CTNNA2: variants seen among roughly 807,000 people sequenced by gnomAD.
CTNNA2 encodes the protein catenin alpha-2.
Under a neutral mutation model 101.0 loss-of-function variants are expected in CTNNA2, and 42 were observed. The observed-to-expected ratio is 0.42, with a 90% CI of 0.32 to 0.54. The LOEUF (loss-of-function observed/expected upper bound fraction) is 0.54. Among genes scored for constraint, CTNNA2 ranks in the 20% least tolerant of loss-of-function variants. The pLI, the probability that CTNNA2 is intolerant of heterozygous loss-of-function variation, is 0.14. For synonymous variants in CTNNA2, 450 were observed against 456.4 expected, an observed-to-expected ratio of 0.99 and a Z score of 0.18; for missense variants, 871 against 1,223.1, an observed-to-expected ratio of 0.71 and a Z score of 4.29.
chr2:79,477,225 C>T (rs1242897975), intron 4 of CTNNA2, among the ~76,000 whole-genome samples: 58 of 143,520 alleles, frequency 4.0e-4, no homozygotes, highest in Non-Finnish European at 7.2e-4. Context: ...GGCTGGAGTA[C>T]AGTGGCGCAA....
chr2:80,001,371 T>C (rs1692935942), intron 7 of CTNNA2, among the ~76,000 whole-genome samples: 1 of 152,180 alleles, frequency 6.6e-6, no homozygotes, highest in Admixed American at 6.5e-5. Flanking sequence ...TTATTTTCTT[T>C]TGAAGTTAGC....
chr2:80,295,589 A>G (rs188389383), intron 7 of CTNNA2, among the ~76,000 whole-genome samples: 2 of 152,292 alleles, frequency 1.3e-5, no homozygotes, highest in Admixed American at 6.5e-5. Flanking sequence ...TTCAAGTTTT[A>G]TTGTGGGGAA....
At chr2:79,505,942 G>C (rs2103812119) in intron 5 of CTNNA2, among the ~76,000 whole-genome samples, 1 of 152,296 alleles carries the variant, frequency 6.6e-6, no homozygotes, top group Non-Finnish European at 1.5e-5. Flanking sequence ...GTCTTGAATG[G>C]AGGAATGAAT....
chr2:80,498,680 C>T (rs1300895570), intron 9 of CTNNA2, among the ~76,000 whole-genome samples: 1 of 152,228 alleles, frequency 6.6e-6, no homozygotes, highest in Non-Finnish European at 1.5e-5. Flanking sequence ...CCTGGCATTC[C>T]TGCCAGCATT....
chr2:79,468,485 A>C (rs1347012325), intron 4 of CTNNA2, among the ~76,000 whole-genome samples: 1 of 152,322 alleles, frequency 6.6e-6, no homozygotes, highest in East Asian at 1.9e-4. Flanking sequence ...CAGAAAGTCA[A>C]CAAGGATACC....
chr2:79,672,395 A>G (rs1356234297), intron 2 of CTNNA2, among the ~76,000 whole-genome samples: 1 of 152,214 alleles, frequency 6.6e-6, no homozygotes, highest in East Asian at 1.9e-4. Flanking sequence ...AATAGAATAG[A>G]ACATGAATAG....
In CTNNA2 at chr2:79,992,939, A is replaced by T. The variant is rs189565357; in HGVS notation, c.1056+83142A>T. 1.8e-4 allele frequency among the ~76,000 whole-genome samples: 28 copies of T among 152,328 alleles called. No individual in the cohort carries two copies. In the East Asian group the frequency reaches 3.1e-3, roughly 17 times the overall value. ...CTGTGAGGATCTGGTGACATGTAGAAGTGTCCTGGCTAAATTGTAAAATTG... is the reference window on the plus strand; with the variant it reads ...CTGTGAGGATCTGGTGACATGTAGATGTGTCCTGGCTAAATTGTAAAATTG... On this transcript the variant is annotated intron_variant, in intron 7 of 18. Coordinates refer to ENST00000402739, the MANE Select transcript of CTNNA2 (RefSeq NM_001282597.3).
intron 16 of CTNNA2, among the ~76,000 whole-genome samples, chr2:80,607,103 T>G (rs1445447666): frequency 2.0e-5 from 3 of 151,858 alleles, no homozygotes; most frequent in African/African-American, 7.2e-5. Context: ...ATCACTGGCT[T>G]TACAGTATTG....
chr2:80,617,526 G>A (rs3821071), intron 17 of CTNNA2, among the ~76,000 whole-genome samples: 3 of 151,706 alleles, frequency 2.0e-5, no homozygotes, highest in South Asian at 4.1e-4. Context: ...TACAGAAAAA[G>A]TCAAATATAG....
intron 7 of CTNNA2, among the ~76,000 whole-genome samples, chr2:80,228,861 CTCT>C (rs772285645): frequency 1.3e-5 from 2 of 152,188 alleles, no homozygotes; most frequent in Admixed American, 6.6e-5. Flanking sequence ...TATTACTTCA[CTCT>C]TCTTCTTATG....
rs1306412646 is a variant in CTNNA2, at chr2:79,832,659, C to T, written c.299-25354C>T. Among the ~76,000 whole-genome samples, 5 of 152,182 alleles carry T rather than the reference C, an allele frequency of 3.3e-5. No homozygotes were observed. The South Asian group carries it at 6.2e-4, about 19-fold the overall frequency. ...GAGAGACTGAGTGTCAGCCCTTTGTCTTCATGTGCATCCAAACAAAAGCAG... is the reference window on the plus strand; with the variant it reads ...GAGAGACTGAGTGTCAGCCCTTTGTTTTCATGTGCATCCAAACAAAAGCAG... On this transcript the variant is annotated intron_variant, in intron 3 of 18. Transcript: ENST00000402739.
chr2:79,342,477 C>G (rs965303754), intron 3 of CTNNA2, among the ~76,000 whole-genome samples: 3 of 152,184 alleles, frequency 2.0e-5, no homozygotes, highest in African/African-American at 7.2e-5. Flanking sequence ...TATGTAATAT[C>G]TCTTCCACCT....
At chr2:79,653,906 A>G (rs529372039) in intron 2 of CTNNA2, among the ~76,000 whole-genome samples, 2 of 152,258 alleles carry the variant, frequency 1.3e-5, no homozygotes, top group Admixed American at 6.5e-5. Flanking sequence ...TTCTGCCACT[A>G]TGAAACAAAG....
chr2:79,584,124 G>A (rs995880434), intron 1 of CTNNA2, among the ~76,000 whole-genome samples: 6 of 152,006 alleles, frequency 3.9e-5, no homozygotes, highest in Admixed American at 6.6e-5. Context: ...TCTAGTTACC[G>A]TTTCCTAAAT....
At chr2:79,917,081 T>TA (rs141767009) in intron 7 of CTNNA2, among the ~76,000 whole-genome samples, 67,210 of 129,176 alleles carry the variant, frequency 0.52, 15,135 homozygotes, top group South Asian at 0.59. Context: ...ATTTATTTAT[T>TA]TATTTTTTTG....
At chr2:79,544,761 T>C (rs1248235767) in intron 1 of CTNNA2, among the ~76,000 whole-genome samples, 2 of 152,180 alleles carry the variant, frequency 1.3e-5, no homozygotes, top group African/African-American at 2.4e-5. Flanking sequence ...AGCAGGTATT[T>C]AGAGCCCAAG....
chr2:80,604,263 A>G, intron 16 of CTNNA2, 84 bp downstream of exon 16: 1 of 982,892 alleles, frequency 1.0e-6, no homozygotes, highest in Non-Finnish European at 1.6e-6. Context: ...TATGCACCCT[A>G]TAAAATGCCT....
At chr2:79,344,339 T>C (rs1464984980) in intron 3 of CTNNA2, among the ~76,000 whole-genome samples, 3 of 152,244 alleles carry the variant, frequency 2.0e-5, no homozygotes, top group Non-Finnish European at 4.4e-5. Context: ...ATTTTTCTTC[T>C]AGTGGCAATT....
At chr2:79,282,224 A>G (rs565941508) in intron 2 of CTNNA2, among the ~76,000 whole-genome samples, 10 of 152,126 alleles carry the variant, frequency 6.6e-5, no homozygotes, top group Non-Finnish European at 1.5e-4. Flanking sequence ...TTAAATCTTT[A>G]TAATCTTCTT....
Sources: gnomAD v4.1 joint callset for allele counts (sites outside exome capture counted in the v4.1 genomes callset) on GRCh38, gnomAD v4.1.1 for gene constraint, MANE v1.5 for transcripts, NCBI Gene and HGNC (gene_info 2026-07-23, HGNC 2026-07-21) for gene names.